Variants in FAM186B observed in about 807,000 individuals in gnomAD.
The protein encoded by FAM186B is protein FAM186B.
Under a neutral mutation model 83.4 loss-of-function variants are expected in FAM186B, and 68 were observed. That is an observed-to-expected ratio of 0.81 (90% confidence interval 0.67 to 1.00). The LOEUF is 1.00. FAM186B is among the 50% of genes least tolerant of loss of function. The pLI is 0.00. For synonymous variants in FAM186B, 389 were observed against 422.0 expected (o/e 0.92, Z 0.96); for missense variants, 983 against 1,099.2 (o/e 0.89, Z 1.49).
At chr12:49,589,978 CAAAAA>C (rs57724815) in intron 5 of FAM186B, among the ~76,000 whole-genome samples, 6 of 60,694 alleles carry the variant, frequency 9.9e-5, no homozygotes, top group African/African-American at 3.7e-4. Flanking sequence ...ACTCTGTCTC[CAAAAA>C]AAAAAAAAAA....
In FAM186B at chr12:49,599,541, A is replaced by G. The variant is rs1488436846; in HGVS notation, c.2099T>C (p.Met700Thr). The G allele has an allele frequency of 3.1e-6, 5 of 1,607,860 alleles. No individual in the cohort carries two copies. Among genetic ancestry groups the G allele is most frequent in the Non-Finnish European group, 4.2e-6 (5 of 1,177,372 alleles). ...SKALELTTTT[M>T]ELGALRLQYL... is the part of the protein sequence containing the mutation. ...CTGCAGCCTGAGCGCGCCCAGCTCC[A>G]TGGTGGTGGTGGTGAGCTCCAGTGC... The change falls in exon 4 of 7, where the codon ATG (methionine) becomes ACG (threonine). Residue 700 changes from methionine (M) to threonine (T), a missense_variant. Met to Thr is a moderately conservative substitution (Grantham distance 81). Transcript: ENST00000257894.
chr12:49,611,652 G>A, the FAM186B span, among the ~76,000 whole-genome samples: 3 of 1,850 alleles, frequency 1.6e-3, no homozygotes, highest in Non-Finnish European at 2.4e-3. Flanking sequence ...CGAGGTCAGG[G>A]GATCGAGACC....
downstream of FAM186B, chr12:49,583,250 C>A (rs942160763): frequency 5.8e-6 from 2 of 345,844 alleles, no homozygotes; most frequent in Non-Finnish European, 5.7e-6. Context: ...AGTCTCATTA[C>A]ATTTATAAAA....
At position 49,601,086 on chromosome 12, in the gene FAM186B, G is replaced by A. The variant is rs1939883141; in HGVS notation, c.554C>T (p.Thr185Ile). ...WQGWQGRSPQ[T>I]SPSHPQPLSP... is the part of the protein sequence containing the mutation. ...TAGTGGCTGAGGATGGGATGGAGAT[G>A]TCTGTGGGCTTCTTCCCTGCCAGCC... is the stretch of plus-strand genomic sequence containing the variant. Residue 185 changes from threonine to isoleucine, a missense_variant, in exon 4 of 7, where the codon ACA becomes ATA. Thr to Ile is a moderately conservative substitution (Grantham distance 89, BLOSUM62 -1). Coordinates refer to ENST00000257894, the MANE Select transcript of FAM186B (RefSeq NM_032130.3). The A allele has an allele frequency of 2.5e-6, 4 of 1,597,184 alleles. No homozygotes were observed. Among genetic ancestry groups the A allele is most frequent in the South Asian group, 1.1e-5 (1 of 89,378 alleles).
At chr12:49,592,878 G>GGAAGCTT (rs1304258099) in intron 5 of FAM186B, among the ~76,000 whole-genome samples, 1 of 152,128 alleles carries the variant, frequency 6.6e-6, no homozygotes, top group Non-Finnish European at 1.5e-5. Flanking sequence ...GAAAAGCTCA[G>GGAAGCTT]TTACTCCACA....
At chr12:49,588,029 G>A (rs1193293671) in intron 6 of FAM186B, among the ~76,000 whole-genome samples, 3 of 152,246 alleles carry the variant, frequency 2.0e-5, no homozygotes, top group Admixed American at 6.5e-5. Context: ...CCATGCAAGG[G>A]TAGGTGTGGA....
upstream of FAM186B, among the ~76,000 whole-genome samples, chr12:49,608,690 A>G (rs1489320122): frequency 6.6e-6 from 1 of 151,724 alleles, no homozygotes; most frequent in Non-Finnish European, 1.5e-5. Flanking sequence ...AAAGGCAAAC[A>G]GCCCCCGTGA....
chr12:49,596,253 A>G (rs2138272362), intron 5 of FAM186B, among the ~76,000 whole-genome samples: 1 of 151,294 alleles, frequency 6.6e-6, no homozygotes, highest in African/African-American at 2.4e-5. Context: ...CATTTAGCAA[A>G]CTAAAAATAA....
the FAM186B span, among the ~76,000 whole-genome samples, chr12:49,620,247 T>A: frequency 1.3e-5 from 2 of 152,256 alleles, no homozygotes; most frequent in African/African-American, 2.4e-5. Flanking sequence ...AAACCAACCC[T>A]GAAGTACTCC....
intron 2 of FAM186B, chr12:49,604,060 A>C (rs1939955738): frequency 3.9e-6 from 2 of 507,088 alleles, no homozygotes; most frequent in East Asian, 6.3e-5. Flanking sequence ...GTTTGAATTT[A>C]GTTTCTATCC....
the FAM186B span, among the ~76,000 whole-genome samples, chr12:49,615,965 G>A: frequency 6.6e-6 from 1 of 150,722 alleles, no homozygotes; most frequent in Admixed American, 6.6e-5. Flanking sequence ...AAGATTTTGG[G>A]AAAGTGAAAC....
intron 5 of FAM186B, among the ~76,000 whole-genome samples, chr12:49,590,547 G>C (rs1355896121): frequency 6.6e-6 from 1 of 152,164 alleles, no homozygotes; most frequent in Non-Finnish European, 1.5e-5. Context: ...GTTAAAACCA[G>C]GTCTATACAT....
At chr12:49,588,710 C>A in intron 5 of FAM186B, 87 bp from the exon 6 acceptor site, 1 of 1,370,824 alleles carries the variant, frequency 7.3e-7, no homozygotes, top group Non-Finnish European at 9.9e-7. Context: ...TTGTTGGTGC[C>A]CCTGCTGGAC....
intron 4 of FAM186B, 67 bp downstream of exon 4, chr12:49,599,402 A>C (rs916596406): frequency 6.8e-7 from 1 of 1,473,584 alleles, no homozygotes; most frequent in Non-Finnish European, 9.0e-7. Context: ...CTTCTCTCCC[A>C]CTGGGTTTAG....
At chr12:49,589,353 G>A (rs914718247) in intron 5 of FAM186B, among the ~76,000 whole-genome samples, 2 of 152,174 alleles carry the variant, frequency 1.3e-5, no homozygotes, top group African/African-American at 4.8e-5. Context: ...GGACCACGTC[G>A]GCACTTGCTG....
At chr12:49,610,473 A>G (rs1467354990), upstream of FAM186B, among the ~76,000 whole-genome samples, 6 of 152,218 alleles carry the variant, frequency 3.9e-5, no homozygotes, top group African/African-American at 1.2e-4. Context: ...AACATCTTGA[A>G]AATAAATCAG....
At chr12:49,605,676 A>G (rs765004814), upstream of FAM186B, 2 of 519,984 alleles carry the variant, frequency 3.8e-6, no homozygotes, top group Non-Finnish European at 6.8e-6. Flanking sequence ...CAGTTTGATT[A>G]GAAGAATTAG....
chr12:49,612,414 T>C, the FAM186B span, among the ~76,000 whole-genome samples: 1 of 149,982 alleles, frequency 6.7e-6, no homozygotes, highest in Non-Finnish European at 1.5e-5. Context: ...CATTACATAA[T>C]GATAAAGGAA....
At chr12:49,604,096 G>A in intron 2 of FAM186B, 1 of 552,080 alleles carries the variant, frequency 1.8e-6, no homozygotes, top group Non-Finnish European at 3.2e-6. Context: ...TGTCATAATG[G>A]ACCCGTGACT....
Sources: gnomAD v4.1 joint callset for allele counts (sites outside exome capture counted in the v4.1 genomes callset) on GRCh38, gnomAD v4.1.1 for gene constraint, MANE v1.5 for transcripts, NCBI Gene and HGNC (gene_info 2026-07-23, HGNC 2026-07-21) for gene names.